PXK: variants seen among roughly 807,000 people sequenced by gnomAD.
The protein encoded by PXK is PX domain containing serine/threonine kinase like.
In PXK, 35 loss-of-function variants were observed where a neutral mutation model predicts 84.7. The observed-to-expected ratio is 0.41, with a 90% CI of 0.32 to 0.55. The LOEUF (loss-of-function observed/expected upper bound fraction) is 0.55. PXK is among the 20% of genes least tolerant of loss of function. PXK has a pLI of 0.21. For missense variants in PXK, 634 were observed against 699.7 expected (o/e 0.91, Z 1.06); for synonymous variants, 253 against 260.8 (o/e 0.97, Z 0.29).
At chr3:58,361,034 C>T (rs1300753844) in intron 1 of PXK, among the ~76,000 whole-genome samples, 1 of 151,752 alleles carries the variant, frequency 6.6e-6, no homozygotes, top group East Asian at 1.9e-4. Context: ...CGGTGGTTCA[C>T]GCCTGTAATC....
At chr3:58,382,306 C>T (rs7431998) in intron 3 of PXK, among the ~76,000 whole-genome samples, 36,318 of 152,002 alleles carry the variant, frequency 0.24, 5,966 homozygotes, top group East Asian at 0.8. Context: ...ACATAGTAAA[C>T]TCCATCTCAA....
intron 1 of PXK, among the ~76,000 whole-genome samples, chr3:58,361,017 C>T (rs57621305): frequency 0.24 from 36,030 of 151,638 alleles, 4,458 homozygotes; most frequent in African/African-American, 0.3. Context: ...CTCATTTTGG[C>T]CGGGCGCGGT....
intron 3 of PXK, among the ~76,000 whole-genome samples, chr3:58,380,484 A>G (rs1021053727): frequency 1.3e-5 from 2 of 151,580 alleles, no homozygotes; most frequent in East Asian, 3.9e-4. Context: ...CAGCAGCACT[A>G]TAAACTAGAA....
At chr3:58,395,560 G>A (rs13315871) in intron 8 of PXK, 98 bp from the exon 9 acceptor site, 71,388 of 861,296 alleles carry the variant, frequency 0.083, 3,472 homozygotes, top group Middle Eastern at 0.13. Context: ...CATCTCTGGC[G>A]CCCCTAGCCT....
At chr3:58,406,707 C>T (rs1306425461) in intron 13 of PXK, among the ~76,000 whole-genome samples, 1 of 152,166 alleles carries the variant, frequency 6.6e-6, no homozygotes, top group African/African-American at 2.4e-5. Flanking sequence ...AAACTCTATA[C>T]CCATAGAATA....
At chr3:58,368,525 T>C (rs919538250) in intron 2 of PXK, among the ~76,000 whole-genome samples, 1 of 152,006 alleles carries the variant, frequency 6.6e-6, no homozygotes, top group African/African-American at 2.4e-5. Flanking sequence ...TTTCGCCACA[T>C]TGGCCAGGCT....
chr3:58,340,511 G>T (rs554262855), intron 1 of PXK, among the ~76,000 whole-genome samples: 1 of 151,660 alleles, frequency 6.6e-6, no homozygotes, highest in African/African-American at 2.4e-5. Context: ...TGGATCACCT[G>T]AGGTCAGGAG....
At chr3:58,368,518 C>T (rs1057155815) in intron 2 of PXK, among the ~76,000 whole-genome samples, 2 of 151,260 alleles carry the variant, frequency 1.3e-5, no homozygotes, top group African/African-American at 2.4e-5. Context: ...AGACGGGTTT[C>T]GCCACATTGG....
In PXK at chr3:58,400,023, C is replaced by G. The variant is rs1576572201; in HGVS notation, c.1181+646C>G. Among the ~76,000 whole-genome samples, 1 of 152,026 alleles carries G rather than the reference C, an allele frequency of 6.6e-6. No individual in the cohort carries two copies. Among genetic ancestry groups the G allele is most frequent in the East Asian group, 1.9e-4 (1 of 5,178 alleles). Reference sequence around the variant, plus strand: ...CATTTTCTGTTCTTTCATGGAAAGGCAGCAGAGTGGTTAAGAAGGGTGTGC... The same window carrying G: ...CATTTTCTGTTCTTTCATGGAAAGGGAGCAGAGTGGTTAAGAAGGGTGTGC... On this transcript the variant is annotated intron_variant, in intron 12 of 17. Coordinates refer to ENST00000356151, the MANE Select transcript of PXK (RefSeq NM_017771.5). The surrounding 1 kb of genome is among the most constrained non-coding windows in gnomAD (Gnocchi z 4.0).
intron 7 of PXK, among the ~76,000 whole-genome samples, chr3:58,392,957 GC>G (rs2098646298): frequency 6.6e-6 from 1 of 151,934 alleles, no homozygotes; most frequent in Admixed American, 6.6e-5. Flanking sequence ...ACCGCACCCG[GC>G]CCTAAATTTC....
At chr3:58,344,456 T>C (rs141967292) in intron 1 of PXK, among the ~76,000 whole-genome samples, 76 of 152,306 alleles carry the variant, frequency 5.0e-4, no homozygotes, top group African/African-American at 1.5e-3. Flanking sequence ...TTGACAGCCA[T>C]GCTTGGGAGA....
chr3:58,368,485 G>T (rs926794244), intron 2 of PXK, among the ~76,000 whole-genome samples: 2 of 152,064 alleles, frequency 1.3e-5, no homozygotes, highest in African/African-American at 4.8e-5. Context: ...ACCATGCCCA[G>T]CTAATCTTTG....
At chr3:58,358,897 T>C (rs373098026) in intron 1 of PXK, among the ~76,000 whole-genome samples, 1 of 152,232 alleles carries the variant, frequency 6.6e-6, no homozygotes, top group East Asian at 1.9e-4. Flanking sequence ...ATATGCCAAA[T>C]GCTTTCCCCA....
chr3:58,354,948 G>A (rs552575740), intron 1 of PXK, among the ~76,000 whole-genome samples: 193 of 152,018 alleles, frequency 1.3e-3, no homozygotes, highest in African/African-American at 4.0e-3. Context: ...GTAAAATCCC[G>A]TCTCTACTAA....
In PXK at chr3:58,401,505, A is replaced by G. The variant is rs1446434638; in HGVS notation, c.1181+2128A>G. ...GGCGTGGTGGTGTGCACCAAGTAAT[A>G]ATCCCAGCTACTTGGAAGGCTGAGG... On this transcript the variant is annotated intron_variant, in intron 12 of 17. Coordinates refer to ENST00000356151, the MANE Select transcript of PXK (RefSeq NM_017771.5). The surrounding 1 kb of genome is among the most constrained non-coding windows in gnomAD (Gnocchi z 4.4). Among the ~76,000 whole-genome samples the G allele has an allele frequency of 1.3e-5, 2 of 152,134 alleles. No homozygotes were observed. Among genetic ancestry groups the G allele is most frequent in the African/African-American group, 4.8e-5 (2 of 41,432 alleles).
At chr3:58,419,823 T>A (rs2061548791) in intron 17 of PXK, among the ~76,000 whole-genome samples, 1 of 152,260 alleles carries the variant, frequency 6.6e-6, no homozygotes, top group Non-Finnish European at 1.5e-5. Flanking sequence ...GCATGATCCT[T>A]CACATTTAGC....
intron 1 of PXK, among the ~76,000 whole-genome samples, chr3:58,349,357 C>CTTTT (rs547487999): frequency 5.2e-5 from 7 of 134,926 alleles, no homozygotes; most frequent in Admixed American, 7.5e-5. Flanking sequence ...TCATAAATAT[C>CTTTT]TTTTTTTTTT....
chr3:58,348,009 G>A lies in PXK; in HGVS notation c.102+14919G>A, dbSNP rs143353421. Among the ~76,000 whole-genome samples, 522 of 152,238 alleles carry A rather than the reference G, an allele frequency of 3.4e-3. 5 individuals carry two copies. Among genetic ancestry groups the A allele is most frequent in the African/African-American group, 0.012 (504 of 41,524 alleles). On this transcript the variant is annotated intron_variant, in intron 1 of 17. Coordinates refer to ENST00000356151, the MANE Select transcript of PXK (RefSeq NM_017771.5). The stretch of plus-strand genomic sequence containing the variant: ...GCTCACCGCAACCTTCACCTCCCGG[G>A]TTCAAGTGATTTTCCTGCCTCCCAA...
At chr3:58,336,057 ATATATATATATATATT>A (rs1475396550) in intron 1 of PXK, among the ~76,000 whole-genome samples, 13 of 54,696 alleles carry the variant, frequency 2.4e-4, no homozygotes, top group East Asian at 1.8e-3. Flanking sequence ...ATATATATAT[ATATATATATATATATT>A]TTTTTTTTTT....
Sources: gnomAD v4.1 joint callset for allele counts (sites outside exome capture counted in the v4.1 genomes callset) on GRCh38, gnomAD v4.1.1 for gene constraint, Gnocchi (gnomAD v3.1) non-coding constraint, MANE v1.5 for transcripts, NCBI Gene and HGNC (gene_info 2026-07-23, HGNC 2026-07-21) for gene names.